SUSD4: variants seen among roughly 807,000 people sequenced by gnomAD.
SUSD4 encodes sushi domain-containing protein 4.
SUSD4 carries 41 observed loss-of-function variants against 50.5 expected under a neutral mutation model. The ratio of observed to expected loss-of-function variants is 0.81; its 90% CI spans 0.63 to 1.05. The LOEUF is 1.05. Among genes scored for constraint, SUSD4 ranks in the 50% least tolerant of loss-of-function variants. The pLI is 0.00. For missense variants in SUSD4, 580 were observed against 634.7 expected (o/e 0.91, Z 0.93); for synonymous variants, 257 against 257.3 (o/e 1.00, Z 0.01).
chr1:223,331,008 TC>T (rs1410142390), intron 2 of SUSD4, among the ~76,000 whole-genome samples: 1 of 152,036 alleles, frequency 6.6e-6, no homozygotes, highest in Admixed American at 6.6e-5. Flanking sequence ...TGCTGCACCC[TC>T]CCCGCCCCCT....
At chr1:223,352,284 T>C (rs1668410362) in intron 2 of SUSD4, among the ~76,000 whole-genome samples, 1 of 152,184 alleles carries the variant, frequency 6.6e-6, no homozygotes, top group African/African-American at 2.4e-5. Flanking sequence ...TTCCTTCATC[T>C]GGAGATGACA....
At chr1:223,356,484 C>T (rs1038332530) in intron 2 of SUSD4, among the ~76,000 whole-genome samples, 23 of 151,696 alleles carry the variant, frequency 1.5e-4, no homozygotes, top group East Asian at 9.7e-4. Flanking sequence ...GATCATAGCT[C>T]GCTGCAGCCT....
intron 5 of SUSD4, among the ~76,000 whole-genome samples, chr1:223,234,315 C>T (rs1177312761): frequency 6.6e-6 from 1 of 152,196 alleles, no homozygotes; most frequent in African/African-American, 2.4e-5. Flanking sequence ...TGGCTATTTC[C>T]TCCTATGCAG....
At chr1:223,297,292 G>A (rs1664891303) in intron 2 of SUSD4, among the ~76,000 whole-genome samples, 1 of 152,206 alleles carries the variant, frequency 6.6e-6, no homozygotes, top group Non-Finnish European at 1.5e-5. Flanking sequence ...GAAGAACATA[G>A]GGAGGCAGCT....
At chr1:223,223,794 C>T (rs1659305254) in intron 7 of SUSD4, among the ~76,000 whole-genome samples, 163 bp from the exon 8 acceptor site, 4 of 152,374 alleles carry the variant, frequency 2.6e-5, no homozygotes, top group Admixed American at 2.6e-4. Flanking sequence ...AGGGACTCCT[C>T]TGGAAGATGA....
upstream of SUSD4, among the ~76,000 whole-genome samples, chr1:223,364,673 C>T (rs1171234671): frequency 6.6e-6 from 1 of 151,234 alleles, no homozygotes; most frequent in Non-Finnish European, 1.5e-5. This position sits in a 1 kb window ranked among gnomAD's most constrained non-coding sequence, Gnocchi z 4.5. Flanking sequence ...GCCCCCAGCC[C>T]GCGGCGCGGC....
In SUSD4 at chr1:223,227,596, G is replaced by A; in HGVS notation, c.1059C>T (p.Pro353=). 1 of 1,613,512 alleles carries A rather than the reference G, an allele frequency of 6.2e-7. No individual in the cohort carries two copies. Among genetic ancestry groups the A allele is most frequent in the Non-Finnish European group, 8.5e-7 (1 of 1,179,680 alleles). ...FQTKFKAHFP[P]RGPPRSSSSD... Reference sequence around the variant, plus strand: ...AGCTGCCAAGACATGACACTGACCTGGGGGGAAAGTGGGCCTTGAACTTGG... The same window carrying A: ...AGCTGCCAAGACATGACACTGACCTAGGGGGAAAGTGGGCCTTGAACTTGG... Residue 353 remains proline (P), a splice_region_variant and synonymous_variant, in exon 7 of 9, where the codon CCC becomes CCT. Transcript: ENST00000366878. This position sits in a 1 kb window ranked among gnomAD's most constrained non-coding sequence, Gnocchi z 4.5.
chr1:223,277,061 T>C (rs929066160), intron 3 of SUSD4, among the ~76,000 whole-genome samples: 2 of 152,186 alleles, frequency 1.3e-5, no homozygotes, highest in African/African-American at 4.8e-5. Context: ...ACAGTTTCAA[T>C]GAATAAAGGA....
intron 2 of SUSD4, among the ~76,000 whole-genome samples, chr1:223,299,380 C>A (rs1558228827): frequency 6.6e-6 from 1 of 152,172 alleles, no homozygotes; most frequent in Non-Finnish European, 1.5e-5. Context: ...ACTAAGTAGT[C>A]ACAGCTTGGA....
intron 5 of SUSD4, among the ~76,000 whole-genome samples, chr1:223,256,103 T>C (rs968493964): frequency 2.6e-5 from 4 of 152,308 alleles, no homozygotes; most frequent in Non-Finnish European, 4.4e-5. Flanking sequence ...TTGCTCACCA[T>C]TGTATACAGT....
intron 2 of SUSD4, among the ~76,000 whole-genome samples, chr1:223,321,438 G>A (rs1452548133): frequency 2.6e-5 from 4 of 152,210 alleles, no homozygotes; most frequent in African/African-American, 4.8e-5. Flanking sequence ...GATATTCTAT[G>A]TAGCTCACTG....
chr1:223,283,421 G>T (rs534669686), intron 3 of SUSD4, among the ~76,000 whole-genome samples: 1 of 152,258 alleles, frequency 6.6e-6, no homozygotes, highest in South Asian at 2.1e-4. Flanking sequence ...ATGGGTGAAG[G>T]ATATGAACAG....
intron 2 of SUSD4, among the ~76,000 whole-genome samples, chr1:223,306,359 T>C (rs1430437690): frequency 6.6e-6 from 1 of 152,186 alleles, no homozygotes; most frequent in African/African-American, 2.4e-5. Context: ...CTATTCAAAA[T>C]CAAGCAAGCA....
intron 2 of SUSD4, among the ~76,000 whole-genome samples, chr1:223,355,447 G>A (rs1357599442): frequency 6.6e-6 from 1 of 151,994 alleles, no homozygotes. Context: ...TTGAACTCCT[G>A]GGCTCAAGTG....
intron 6 of SUSD4, among the ~76,000 whole-genome samples, chr1:223,228,097 G>A (rs545067378): frequency 2.6e-5 from 4 of 152,326 alleles, no homozygotes; most frequent in South Asian, 2.1e-4. Flanking sequence ...ACCAAGGGGT[G>A]GGGGAGTGGG....
At chr1:223,280,101 A>C (rs1027163365) in intron 3 of SUSD4, among the ~76,000 whole-genome samples, 4 of 152,352 alleles carry the variant, frequency 2.6e-5, no homozygotes, top group Admixed American at 2.6e-4. Context: ...AAACATGGAA[A>C]GGAACAACCG....
intron 2 of SUSD4, among the ~76,000 whole-genome samples, chr1:223,313,389 G>A (rs1558240509): frequency 6.6e-6 from 1 of 152,206 alleles, no homozygotes; most frequent in African/African-American, 2.4e-5. Context: ...GATGCATTCT[G>A]AGGACATGAA....
intron 2 of SUSD4, among the ~76,000 whole-genome samples, chr1:223,348,625 A>G (rs963969645): frequency 3.3e-5 from 5 of 152,148 alleles, no homozygotes; most frequent in African/African-American, 1.2e-4. Context: ...GTCCAAATAG[A>G]GTTGCTGGCC....
Position 223,224,544 on chromosome 1 carries a change from G to A in SUSD4, c.1062-913C>T, listed in dbSNP as rs987867348. ...GCTGTGAGCACTATGTCACTACCCC[G>A]TTCAAGCTACGCAGGCTCACCGCCA... On this transcript the variant is annotated intron_variant, in intron 7 of 8. Coordinates refer to ENST00000366878, the MANE Select transcript of SUSD4 (RefSeq NM_017982.4). 3.3e-5 allele frequency among the ~76,000 whole-genome samples: 5 copies of A among 152,130 alleles called. No homozygotes were observed. The East Asian group carries it at 5.8e-4, about 18-fold the overall frequency.
Sources: allele counts gnomAD v4.1 joint callset (sites outside exome capture counted in the v4.1 genomes callset), GRCh38; gene constraint gnomAD v4.1.1; non-coding constraint Gnocchi (gnomAD v3.1); transcripts MANE v1.5; gene names NCBI Gene and HGNC (gene_info 2026-07-23, HGNC 2026-07-21).